The following CDH6 variants were observed in gnomAD, a reference collection of about 807,000 sequenced individuals.
CDH6 encodes the protein cadherin 6.
A neutral mutation model predicts 78.0 loss-of-function variants in CDH6; 31 were observed. The observed-to-expected ratio is 0.40, with a 90% confidence interval of 0.30 to 0.54. The LOEUF is 0.54. Ranked by LOEUF, CDH6 falls within the 20% of genes least tolerant of loss-of-function variation. The pLI is 0.56. For missense variants in CDH6, 724 were observed against 975.9 expected (o/e 0.74, Z 3.44); for synonymous variants, 376 against 368.8 (o/e 1.02, Z -0.23).
At chr5:31,273,769 G>A (rs566578760) in intron 2 of CDH6, among the ~76,000 whole-genome samples, 1 of 152,332 alleles carries the variant, frequency 6.6e-6, no homozygotes, top group African/African-American at 2.4e-5. Context: ...CTTTTAAAGA[G>A]CTGCACGAAT....
chr5:31,246,587 C>T (rs996342137), intron 1 of CDH6, among the ~76,000 whole-genome samples: 2 of 152,112 alleles, frequency 1.3e-5, no homozygotes, highest in African/African-American at 4.8e-5. Flanking sequence ...CCAGGCAAAG[C>T]CACAGTGTGA....
Position 31,323,616 on chromosome 5 carries a change from G to A in CDH6, c.*308G>A, listed in dbSNP as rs773776090. On this transcript the variant is annotated 3_prime_UTR_variant, in exon 12 of 12. Transcript: ENST00000265071. ...CAGCGTGCCCGCTTCCGCTGTCCTG[G>A]TGTTTTACTACACTCCATGTCAGGT... 7 of 360,536 alleles carry A rather than the reference G, an allele frequency of 1.9e-5. No individual in the cohort carries two copies. Among genetic ancestry groups the A allele is most frequent in the African/African-American group, 4.0e-5 (2 of 50,020 alleles). 22.3% of individuals were successfully genotyped at this position (360,536 alleles called of 1,614,324 possible).
chr5:31,259,504 G>T (rs182562055), intron 1 of CDH6, among the ~76,000 whole-genome samples: 1 of 152,034 alleles, frequency 6.6e-6, no homozygotes. Context: ...AACATCTCCC[G>T]GTCTTGTTTA....
intron 1 of CDH6, among the ~76,000 whole-genome samples, chr5:31,194,480 T>C (rs1440787220): frequency 6.6e-6 from 1 of 152,168 alleles, no homozygotes; most frequent in Non-Finnish European, 1.5e-5. Flanking sequence ...ACGATTTGGC[T>C]GGTAGAAGGA....
At position 31,266,499 on chromosome 5, in the gene CDH6, G is replaced by A. The variant is rs537846215; in HGVS notation, c.-128-847G>A. Among the ~76,000 whole-genome samples the A allele has an allele frequency of 2.6e-5, 4 of 152,174 alleles. No homozygotes were observed. In the East Asian group the frequency reaches 7.7e-4, roughly 29 times the overall value. ...ATATGCTTGATTGTTTATGATACAG[G>A]CAAAAATTTATAGATAAAGTTTAGG... On this transcript the variant is annotated intron_variant, in intron 1 of 11. Coordinates refer to ENST00000265071, the MANE Select transcript of CDH6 (RefSeq NM_004932.4).
intron 1 of CDH6, among the ~76,000 whole-genome samples, chr5:31,196,462 G>A (rs188115382): frequency 6.4e-4 from 97 of 152,240 alleles, no homozygotes; most frequent in African/African-American, 2.1e-3. Flanking sequence ...CTTCTGGCCC[G>A]GTAGTTGCTT....
intron 1 of CDH6, among the ~76,000 whole-genome samples, chr5:31,235,336 A>G (rs1377150271): frequency 6.6e-6 from 1 of 150,584 alleles, no homozygotes; most frequent in Non-Finnish European, 1.5e-5. Context: ...GGCAACACCA[A>G]CAAGAGTAAT....
chr5:31,313,496 C>T (rs1561071228), intron 8 of CDH6, 42 bp downstream of exon 8: 1 of 1,565,462 alleles, frequency 6.4e-7, no homozygotes. Context: ...TATTAATAGA[C>T]TGAGTGTCCC....
intron 3 of CDH6, among the ~76,000 whole-genome samples, chr5:31,296,115 A>G (rs1454796851): frequency 6.6e-6 from 1 of 152,194 alleles, no homozygotes; most frequent in Non-Finnish European, 1.5e-5. Context: ...CAATAAGTGA[A>G]ATTGGCTATA....
intron 7 of CDH6, among the ~76,000 whole-genome samples, chr5:31,306,849 A>G (rs1429467203): frequency 2.6e-5 from 4 of 152,188 alleles, no homozygotes; most frequent in Non-Finnish European, 5.9e-5. Flanking sequence ...AAGGAAATAA[A>G]GAGCACCTGG....
At chr5:31,200,243 A>G (rs895745290) in intron 1 of CDH6, among the ~76,000 whole-genome samples, 24 of 152,134 alleles carry the variant, frequency 1.6e-4, no homozygotes, top group Middle Eastern at 3.2e-3. Flanking sequence ...AAATTATCTT[A>G]TCCTGCCTTC....
chr5:31,210,785 A>T (rs2111803628), intron 1 of CDH6, among the ~76,000 whole-genome samples: 1 of 152,242 alleles, frequency 6.6e-6, no homozygotes, highest in South Asian at 2.1e-4. Context: ...GTATTTTTGT[A>T]CTTGTATTAT....
chr5:31,265,580 G>A (rs1218017419), intron 1 of CDH6, among the ~76,000 whole-genome samples: 2 of 151,870 alleles, frequency 1.3e-5, no homozygotes, highest in South Asian at 2.1e-4. Flanking sequence ...ACATTTACCT[G>A]GTAGAATGAC....
At chr5:31,286,220 T>C (rs1220954716) in intron 2 of CDH6, among the ~76,000 whole-genome samples, 3 of 152,230 alleles carry the variant, frequency 2.0e-5, no homozygotes, top group African/African-American at 7.2e-5. Context: ...TAGACAGGTT[T>C]GGTGCCTTCC....
intron 2 of CDH6, among the ~76,000 whole-genome samples, chr5:31,272,652 C>T (rs1742559663): frequency 6.6e-6 from 1 of 152,164 alleles, no homozygotes; most frequent in South Asian, 2.1e-4. Flanking sequence ...TGCACAGTAC[C>T]ATTCAACAGC....
At chr5:31,242,702 G>GC (rs200644939) in intron 1 of CDH6, among the ~76,000 whole-genome samples, 3,111 of 69,812 alleles carry the variant, frequency 0.045, 118 homozygotes, top group African/African-American at 0.24. Flanking sequence ...GAATAAGAAT[G>GC]GGGGGGGGCG....
chr5:31,323,648 A>G lies in CDH6; in HGVS notation c.*340A>G, dbSNP rs2149962658. On this transcript the variant is annotated 3_prime_UTR_variant, in exon 12 of 12. Transcript: ENST00000265071. ...ACTACACTCCATGTCAGGTCAGCCA[A>G]CTGCCCTAACTGTACATTTCACAGG... 2 of 309,624 alleles carry G rather than the reference A, an allele frequency of 6.5e-6. No individual in the cohort carries two copies. The highest frequency in any genetic ancestry group is 4.6e-5 in the East Asian group (1 of 21,514). The allele number at this position is 309,624 out of a possible 1,614,324, so 19.2% of individuals were successfully genotyped here.
intron 7 of CDH6, among the ~76,000 whole-genome samples, chr5:31,310,040 G>A (rs2149956012): frequency 6.6e-6 from 1 of 152,236 alleles, no homozygotes; most frequent in Admixed American, 6.5e-5. Flanking sequence ...ATTCCCAACA[G>A]TCCCCCAAAG....
chr5:31,293,907 G>A, intron 2 of CDH6, 55 bp from the exon 3 acceptor site: 1 of 1,244,752 alleles, frequency 8.0e-7, no homozygotes, highest in Non-Finnish European at 1.1e-6. Context: ...GACAAAAACA[G>A]TTTAGAACCA....
Sources: allele counts gnomAD v4.1 joint callset (sites outside exome capture counted in the v4.1 genomes callset), GRCh38; gene constraint gnomAD v4.1.1; transcripts MANE v1.5; gene names NCBI Gene and HGNC (gene_info 2026-07-23, HGNC 2026-07-21).